OPHN1: variants seen among roughly 807,000 people sequenced by gnomAD.
OPHN1 encodes oligophrenin-1.
Under a neutral mutation model 60.7 loss-of-function variants are expected in OPHN1, and 11 were observed. That is an observed-to-expected ratio of 0.18 (90% confidence interval 0.11 to 0.30). The LOEUF (loss-of-function observed/expected upper bound fraction) is 0.30, where lower values mean the gene tolerates loss of function less well. Among genes scored for constraint, OPHN1 ranks in the 10% least tolerant of loss-of-function variants. OPHN1 has a pLI of 1.00. For synonymous variants in OPHN1, 226 were observed against 222.6 expected, an observed-to-expected ratio of 1.02 and a Z score of -0.14; for missense variants, 449 against 611.0, an observed-to-expected ratio of 0.73 and a Z score of 2.80.
intron 15 of OPHN1, among the ~76,000 whole-genome samples, chrX:68,168,371 G>A (rs181335906): frequency 4.0e-4 from 45 of 112,510 alleles, no homozygotes; most frequent in East Asian, 5.6e-4. Flanking sequence ...ACTCAACTAC[G>A]TGGAAACTGA....
chrX:68,415,583 C>G (rs949477437), intron 2 of OPHN1, among the ~76,000 whole-genome samples: 35 of 111,915 alleles, frequency 3.1e-4, no homozygotes, highest in African/African-American at 1.1e-3. Context: ...TAAAGAACTT[C>G]CCAACTGTGT....
intron 2 of OPHN1, among the ~76,000 whole-genome samples, chrX:68,368,004 G>T (rs1386036947): frequency 8.9e-6 from 1 of 111,909 alleles, no homozygotes; most frequent in African/African-American, 3.2e-5. Context: ...GTTCAAACTA[G>T]TCTGGAGGCT....
intron 5 of OPHN1, among the ~76,000 whole-genome samples, chrX:68,274,005 A>G (rs2077981378): frequency 9.0e-6 from 1 of 111,375 alleles, no homozygotes; most frequent in African/African-American, 3.3e-5. Flanking sequence ...GGGAGTTGCT[A>G]CATACTTTCA....
chrX:68,370,011 A>AATATATATATATATATATATATATATAT (rs761607454), intron 2 of OPHN1, among the ~76,000 whole-genome samples: 81 of 64,334 alleles, frequency 1.3e-3, no homozygotes, highest in African/African-American at 3.9e-3. Context: ...AAATTGCTGA[A>AATATATATATATATATATATATATATAT]ATATATATAT....
chrX:68,092,827 C>T (rs2077023725), intron 19 of OPHN1, among the ~76,000 whole-genome samples: 1 of 111,300 alleles, frequency 9.0e-6, no homozygotes, highest in Non-Finnish European at 1.9e-5. Flanking sequence ...CCTAAAAATG[C>T]ATAGAATAAA....
chrX:68,270,147 T>G (rs1315854588), intron 5 of OPHN1, among the ~76,000 whole-genome samples: 1 of 111,170 alleles, frequency 9.0e-6, no homozygotes, highest in East Asian at 2.8e-4. Flanking sequence ...GGTGGGACTG[T>G]AAACTAGTTC....
intron 15 of OPHN1, among the ~76,000 whole-genome samples, chrX:68,172,192 C>T (rs1177794189): frequency 1.8e-5 from 2 of 111,942 alleles, no homozygotes; most frequent in Non-Finnish European, 3.8e-5. Flanking sequence ...ATTTATTATT[C>T]AAATGAGACA....
chrX:68,336,673 AGTGT>A (rs758147589), intron 2 of OPHN1, among the ~76,000 whole-genome samples: 91 of 104,901 alleles, frequency 8.7e-4, no homozygotes, highest in African/African-American at 2.4e-3. Context: ...TGTGTGTGAG[AGTGT>A]GTGTGTGTGT....
chrX:68,176,463 A>G (rs966074137), intron 15 of OPHN1, among the ~76,000 whole-genome samples: 2 of 111,932 alleles, frequency 1.8e-5, no homozygotes, highest in African/African-American at 6.5e-5. Context: ...TGCAAATCAA[A>G]ACCACAATGA....
chrX:68,433,134 G>T, intron 1 of OPHN1, 34 bp downstream of exon 1: 1 of 765,861 alleles, frequency 1.3e-6, no homozygotes, highest in Admixed American at 3.5e-5. Context: ...GCTTAAGGAA[G>T]CTCATAGCCT....
At chrX:68,101,354 T>C in intron 18 of OPHN1, among the ~76,000 whole-genome samples, 1 of 112,399 alleles carries the variant, frequency 8.9e-6, no homozygotes, top group East Asian at 2.8e-4. Context: ...GATAATTACA[T>C]CAAAACTGCT....
intron 2 of OPHN1, among the ~76,000 whole-genome samples, chrX:68,371,219 CT>C (rs571482375): frequency 0.011 from 1,089 of 96,791 alleles, 15 homozygotes; most frequent in African/African-American, 0.037. Context: ...CTTTTTCTTT[CT>C]TTTTTTTTTT....
chrX:68,261,970 T>G (rs1043464902), intron 5 of OPHN1, among the ~76,000 whole-genome samples: 9 of 111,486 alleles, frequency 8.1e-5, no homozygotes, highest in African/African-American at 2.9e-4. Flanking sequence ...GCTAAAAGGG[T>G]TAAGCAAGAC....
rs190843576 is a variant in OPHN1 at position 68,046,196 on chromosome X, T to C, written c.*976A>G. On this transcript the variant is annotated 3_prime_UTR_variant, in exon 25 of 25. Transcript: ENST00000355520. The stretch of plus-strand genomic sequence containing the variant: ...GGGCATCATGGAGTTTCTGAGTCCA[T>C]GGACACTGGGTTAAGAACTGCTTTT... 1 of 111,838 alleles carries C rather than the reference T, an allele frequency of 8.9e-6. No homozygotes were observed. The highest frequency in any genetic ancestry group is 2.8e-4 in the East Asian group (1 of 3,542). 9.2% of individuals were successfully genotyped at this position (111,838 alleles called of 1,213,427 possible). A position where few individuals can be genotyped will look rare whatever the true frequency, so the allele number is the denominator to read the frequency against.
intron 2 of OPHN1, among the ~76,000 whole-genome samples, chrX:68,395,033 G>T (rs183695252): frequency 9.1e-6 from 1 of 110,476 alleles, no homozygotes; most frequent in African/African-American, 3.3e-5. Context: ...TCAGCCCACC[G>T]CAACCTCCGC....
rs893759591 is a variant in OPHN1 at position 68,283,651 on chromosome X, C to T, written c.251-534G>A. On this transcript the variant is annotated intron_variant, in intron 3 of 24. Coordinates refer to ENST00000355520, the MANE Select transcript of OPHN1 (RefSeq NM_002547.3). ...GATGACTGGGCAAATCACTTCCTTTCTCAGAAATTCAATGTCTTTATATAC... is the reference window on the plus strand; with the variant it reads ...GATGACTGGGCAAATCACTTCCTTTTTCAGAAATTCAATGTCTTTATATAC... 5.8e-4 allele frequency among the ~76,000 whole-genome samples: 65 copies of T among 111,914 alleles called. 1 individual carries two copies. Among genetic ancestry groups the T allele is most frequent in the African/African-American group, 2.0e-3 (62 of 30,868 alleles).
At chrX:68,248,822 T>C (rs375739069) in intron 5 of OPHN1, among the ~76,000 whole-genome samples, 3 of 111,922 alleles carry the variant, frequency 2.7e-5, no homozygotes, top group Non-Finnish European at 5.6e-5. Flanking sequence ...GATCATTATA[T>C]TAAGTGAAAT....
chrX:68,335,849 G>A (rs2078319798), intron 2 of OPHN1, among the ~76,000 whole-genome samples: 1 of 111,619 alleles, frequency 9.0e-6, no homozygotes, highest in African/African-American at 3.3e-5. Context: ...AGAATCACTT[G>A]AACCCGAGAG....
intron 15 of OPHN1, among the ~76,000 whole-genome samples, chrX:68,137,266 C>A (rs2077224371): frequency 9.0e-6 from 1 of 111,677 alleles, no homozygotes; most frequent in Non-Finnish European, 1.9e-5. Flanking sequence ...TGTGACCCAT[C>A]TGCCAACTCT....
Sources: allele counts gnomAD v4.1 joint callset (sites outside exome capture counted in the v4.1 genomes callset), GRCh38; gene constraint gnomAD v4.1.1; transcripts MANE v1.5; gene names NCBI Gene and HGNC (gene_info 2026-07-23, HGNC 2026-07-21).